The following KLC2 variants were observed in gnomAD, a reference collection of about 807,000 sequenced individuals.
KLC2 encodes the protein kinesin light chain 2.
KLC2 carries 35 observed loss-of-function variants against 75.1 expected under a neutral mutation model. The ratio of observed to expected loss-of-function variants is 0.47; its 90% CI spans 0.36 to 0.62. The LOEUF is 0.62. Among genes scored for constraint, KLC2 ranks in the 20% least tolerant of loss-of-function variants. KLC2 has a pLI of 0.00. For synonymous variants in KLC2, 314 were observed against 336.7 expected (o/e 0.93, Z 0.74); for missense variants, 611 against 833.2 (o/e 0.73, Z 3.28).
Position 66,262,949 on chromosome 11 carries a change from A to G in KLC2, c.665A>G (p.Lys222Arg). ...GRYEVAVPLC[K>R]QALEDLEKTS... ...TACGAGGTAGCTGTGCCACTCTGCAAGCAGGCACTCGAAGACCTGGAGAAG... is the reference window on the plus strand; with the variant it reads ...TACGAGGTAGCTGTGCCACTCTGCAGGCAGGCACTCGAAGACCTGGAGAAG... Residue 222 changes from lysine (K) to arginine (R), a missense_variant, in exon 5 of 16, where the codon AAG becomes AGG. Transcript: ENST00000394067. The G allele has an allele frequency of 1.9e-6, 3 of 1,613,986 alleles. No individual in the cohort carries two copies. The highest frequency in any genetic ancestry group is 2.5e-6 in the Non-Finnish European group (3 of 1,179,976).
Position 66,267,117 on chromosome 11 carries a change from C to A in KLC2, c.*161C>A. On this transcript the variant is annotated 3_prime_UTR_variant, in exon 16 of 16. Coordinates refer to ENST00000394067, the MANE Select transcript of KLC2 (RefSeq NM_001318734.2). ...TTCTCCCTTGTCATCTCAGCCTGAG[C>A]CCTGGAGGCTGGGCCTGCCCACTCC... The A allele has an allele frequency of 6.5e-7, 1 of 1,529,614 alleles. No individual in the cohort carries two copies. The highest frequency in any genetic ancestry group is 8.8e-7 in the Non-Finnish European group (1 of 1,134,844). 94.8% of individuals were successfully genotyped at this position (1,529,614 alleles called of 1,614,324 possible). A position where few individuals can be genotyped will look rare whatever the true frequency, so the allele number is the denominator to read the frequency against.
Position 66,267,285 on chromosome 11 carries a change from G to T in KLC2, c.*329G>T. On this transcript the variant is annotated 3_prime_UTR_variant, in exon 16 of 16. Transcript: ENST00000394067. ...GAGCCAAGAACACTAAGCACTCGCCGGCCCTTCGGCACCCTCGCCCTCCCT... is the reference window on the plus strand; with the variant it reads ...GAGCCAAGAACACTAAGCACTCGCCTGCCCTTCGGCACCCTCGCCCTCCCT... The T allele has an allele frequency of 9.1e-7, 1 of 1,094,162 alleles. No individual in the cohort carries two copies. Among genetic ancestry groups the T allele is most frequent in the East Asian group, 2.6e-5 (1 of 38,850 alleles). 67.8% of individuals were successfully genotyped at this position (1,094,162 alleles called of 1,614,324 possible). A position where few individuals can be genotyped will look rare whatever the true frequency, so the allele number is the denominator to read the frequency against.
the KLC2 span, among the ~76,000 whole-genome samples, chr11:66,245,892 A>C: frequency 1.3e-5 from 2 of 152,218 alleles, no homozygotes; most frequent in African/African-American, 4.8e-5. Context: ...AAAAAAGAGA[A>C]GTGTCCAGAG....
intron 9 of KLC2, 77 bp from the exon 10 acceptor site, chr11:66,264,945 CT>C: frequency 6.9e-7 from 1 of 1,448,428 alleles, no homozygotes; most frequent in South Asian, 1.2e-5. Flanking sequence ...CTCCCCTCCC[CT>C]GACCCCAGTC....
At chr11:66,258,915 G>A in intron 2 of KLC2, 93 bp downstream of exon 2, 1 of 862,330 alleles carries the variant, frequency 1.2e-6, no homozygotes, top group Non-Finnish European at 1.8e-6. Context: ...TCTGAGCAGG[G>A]AACCGTCTGT....
At chr11:66,257,600 G>C (rs1246638233), upstream of KLC2, 3 of 152,176 alleles carry the variant, frequency 2.0e-5, no homozygotes, top group Admixed American at 1.3e-4. Context: ...GCCCCGGGCG[G>C]GTCCTCGCAC....
chr11:66,265,563 G>A (rs1856763884), intron 11 of KLC2, 92 bp from the exon 12 acceptor site: 3 of 1,041,312 alleles, frequency 2.9e-6, no homozygotes, highest in African/African-American at 3.2e-5. Context: ...TACCCCGGAG[G>A]TCCATGCTTC....
Position 66,258,828 on chromosome 11 carries a change from T to A in KLC2, c.228+6T>A. ...TTGGGCTGGGGGAGGCCCAGGTAGG[T>A]CAGTCTGGGGCACTGAGGTGGGAGG... On this transcript the variant is annotated splice_donor_region_variant and intron_variant, in intron 2 of 15. Coordinates refer to ENST00000394067, the MANE Select transcript of KLC2 (RefSeq NM_001318734.2). 1 of 1,600,632 alleles carries A rather than the reference T, an allele frequency of 6.2e-7. No individual in the cohort carries two copies. The highest frequency in any genetic ancestry group is 1.1e-5 in the South Asian group (1 of 90,766).
At position 66,265,945 on chromosome 11, in the gene KLC2, C is replaced by A; in HGVS notation, c.1535C>A (p.Ala512Asp). The A allele has an allele frequency of 6.3e-7, 1 of 1,599,450 alleles. No homozygotes were observed. Among genetic ancestry groups the A allele is most frequent in the Non-Finnish European group, 8.5e-7 (1 of 1,170,486 alleles). ...GACCGCCGCAGCAGCCGAGACATGG[C>A]TGGGGGTGCCGGGCCTCGGTCTGAG... The part of the protein sequence containing the change: ...RGDRRSSRDM[A>D]GGAGPRSESD... The change falls in exon 13 of 16, where the codon GCT becomes GAT. Residue 512 changes from alanine to aspartate, a missense_variant. By Grantham distance (126) the Ala-to-Asp change is moderately radical. Coordinates refer to ENST00000394067, the MANE Select transcript of KLC2 (RefSeq NM_001318734.2).
intron 15 of KLC2, 134 bp downstream of exon 15, chr11:66,266,624 C>T (rs1387053837): frequency 3.9e-6 from 4 of 1,038,214 alleles, no homozygotes; most frequent in Admixed American, 3.8e-5. Flanking sequence ...TTGGGCTGGA[C>T]AACGGGGAGA....
At chr11:66,262,282 C>A in intron 4 of KLC2, 90 bp downstream of exon 4, 1 of 1,008,658 alleles carries the variant, frequency 9.9e-7, no homozygotes, top group Non-Finnish European at 1.5e-6. Flanking sequence ...TCCTTCCTGC[C>A]TCACTTCTGA....
In KLC2 at chr11:66,261,888, G is replaced by A. The variant is rs140215886; in HGVS notation, c.375G>A (p.Gln125=). 30 of 1,614,234 alleles carry A rather than the reference G, an allele frequency of 1.9e-5. No individual in the cohort carries two copies. In the African/African-American group the frequency reaches 3.6e-4, roughly 19 times the overall value. Reference sequence around the variant, plus strand: ...AGCAGAAGCTGCAGCGCAGTGAGCAGGCCGTGGCCCAGCTCGAGGAGGAGA... The same window carrying A: ...AGCAGAAGCTGCAGCGCAGTGAGCAAGCCGTGGCCCAGCTCGAGGAGGAGA... ...GTQQKLQRSE[Q]AVAQLEEEKQ... The change falls in exon 3 of 16, where the codon CAG becomes CAA. Residue 125 remains glutamine (Q), a synonymous_variant. Transcript: ENST00000394067.
Position 66,258,744 on chromosome 11 carries a change from C to A in KLC2, c.150C>A (p.Ala50=), listed in dbSNP as rs746999301. 1 of 1,613,336 alleles carries A rather than the reference C, an allele frequency of 6.2e-7. No individual in the cohort carries two copies. Among genetic ancestry groups the A allele is most frequent in the Non-Finnish European group, 8.5e-7 (1 of 1,180,004 alleles). ...TGGTTGCACCTGAGGCCGGCGAAGCCGAGCCTGGCTCGCAGGAGCGCTGCA... is the reference window on the plus strand; with the variant it reads ...TGGTTGCACCTGAGGCCGGCGAAGCAGAGCCTGGCTCGCAGGAGCGCTGCA... ...APLVAPEAGE[A]EPGSQERCIL... Residue 50 remains alanine (A), a synonymous_variant, in exon 2 of 16, where the codon GCC becomes GCA. Transcript: ENST00000394067.
chr11:66,249,705 G>C, the KLC2 span, among the ~76,000 whole-genome samples: 2 of 152,054 alleles, frequency 1.3e-5, no homozygotes. Flanking sequence ...GTTGCGACCT[G>C]AACACTCACA....
intron 2 of KLC2, 53 bp downstream of exon 2, chr11:66,258,875 C>T: frequency 1.6e-6 from 2 of 1,255,802 alleles, no homozygotes; most frequent in Non-Finnish European, 1.1e-6. Context: ...ATCGAGCCTT[C>T]AAGAGGAATC....
chr11:66,264,859 A>G (rs577180338), intron 9 of KLC2, 164 bp from the exon 10 acceptor site: 1 of 638,456 alleles, frequency 1.6e-6, no homozygotes, highest in South Asian at 1.9e-5. Context: ...TGTTCTGCTC[A>G]TCTCTGTCCA....
chr11:66,265,966 C>CT lies in KLC2; in HGVS notation c.1557dup (p.Glu520Ter). 6.2e-7 allele frequency: 1 copy of CT among 1,607,370 alleles called. No homozygotes were observed. Among genetic ancestry groups the CT allele is most frequent in the Non-Finnish European group, 8.5e-7 (1 of 1,175,288 alleles). On this transcript the variant is annotated frameshift_variant, in exon 13 of 16. Coordinates refer to ENST00000394067, the MANE Select transcript of KLC2 (RefSeq NM_001318734.2). LOFTEE classifies it high-confidence loss of function. ...ATGGCTGGGGGTGCCGGGCCTCGGTCTGAGTCTGACCTCGAGGACGTGGGA... is the reference window on the plus strand; with the variant it reads ...ATGGCTGGGGGTGCCGGGCCTCGGTCTTGAGTCTGACCTCGAGGACGTGGGA...
At chr11:66,253,509 T>C (rs1300362737), upstream of KLC2, among the ~76,000 whole-genome samples, 1 of 152,200 alleles carries the variant, frequency 6.6e-6, no homozygotes, top group Non-Finnish European at 1.5e-5. Flanking sequence ...GGCAGGGGGC[T>C]GCTGAGCACT....
chr11:66,265,542 T>C lies in KLC2; in HGVS notation c.1335-113T>C, dbSNP rs1856762200. ...GCACAGGGCTTGACATGGGAAGGAA[T>C]GGATTCTGGCTACCCCGGAGGTCCA... On this transcript the variant is annotated intron_variant, in intron 11 of 15. Coordinates refer to ENST00000394067, the MANE Select transcript of KLC2 (RefSeq NM_001318734.2). 12 of 867,294 alleles carry C rather than the reference T, an allele frequency of 1.4e-5. No homozygotes were observed. In the South Asian group the frequency reaches 1.9e-4, roughly 14 times the overall value. The allele number at this position is 867,294 out of a possible 1,614,324, so 53.7% of individuals were successfully genotyped here.
Sources: gnomAD v4.1 joint callset for allele counts (sites outside exome capture counted in the v4.1 genomes callset) on GRCh38, gnomAD v4.1.1 for gene constraint, MANE v1.5 for transcripts, NCBI Gene and HGNC (gene_info 2026-07-23, HGNC 2026-07-21) for gene names.